Variants in SPTBN5 observed in about 807,000 individuals in gnomAD.
The protein encoded by SPTBN5 is spectrin beta chain, non-erythrocytic 5.
SPTBN5 carries 513 observed loss-of-function variants against 477.6 expected under a neutral mutation model. That is an observed-to-expected ratio of 1.07 (90% CI 1.00 to 1.16). SPTBN5 has a LOEUF of 1.16. Among genes scored for constraint, SPTBN5 ranks in the 50% most tolerant of loss-of-function variants. The pLI, the probability that SPTBN5 is intolerant of heterozygous loss-of-function variation, is 0.00. For synonymous variants in SPTBN5, 2,169 were observed against 2,011.7 expected, an observed-to-expected ratio of 1.08 and a Z score of -2.09; for missense variants, 5,062 against 4,731.8, an observed-to-expected ratio of 1.07 and a Z score of -2.05.
intron 29 of SPTBN5, 144 bp from the exon 30 acceptor site, chr15:41,870,704 C>A: frequency 1.5e-6 from 1 of 654,230 alleles, no homozygotes. Flanking sequence ...CCTCTCCCGC[C>A]TGTGGCCCTG....
Position 41,876,791 on chromosome 15 carries a change from G to C in SPTBN5, c.3851+18C>G. ...GAAAGGGTCATCTGCAGGTGCTGCAGACTGAGGCCAGGCTCACGTGTGTGC... is the reference window on the plus strand; with the variant it reads ...GAAAGGGTCATCTGCAGGTGCTGCACACTGAGGCCAGGCTCACGTGTGTGC... On this transcript the variant is annotated intron_variant, in intron 19 of 67. Coordinates refer to ENST00000320955, the MANE Select transcript of SPTBN5 (RefSeq NM_016642.4). The C allele has an allele frequency of 6.2e-7, 1 of 1,609,666 alleles. No homozygotes were observed. The highest frequency in any genetic ancestry group is 8.5e-7 in the Non-Finnish European group (1 of 1,179,716).
Position 41,875,018 on chromosome 15 carries a change from T to C in SPTBN5, c.4326A>G (p.Leu1442=), listed in dbSNP as rs369512749. The C allele has an allele frequency of 6.2e-7, 1 of 1,613,520 alleles. No homozygotes were observed. The highest frequency in any genetic ancestry group is 2.2e-5 in the East Asian group (1 of 44,878). Residue 1442 remains leucine (L), a synonymous_variant, in exon 23 of 68, where the codon CTA becomes CTG. Transcript: ENST00000320955. ...GGTCCTGCCCTGTTTCCGAGCTCTG[T>C]AGGGCCCCTTCGAGCTGCTCCAGCT... is the stretch of plus-strand genomic sequence containing the variant. The part of the protein sequence containing the change: ...KEQLEQLEGA[L]QSSETGQDLR...
intron 47 of SPTBN5, among the ~76,000 whole-genome samples, 193 bp downstream of exon 47, chr15:41,860,393 G>T (rs1045395640): frequency 2.6e-5 from 4 of 152,250 alleles, no homozygotes; most frequent in Non-Finnish European, 5.9e-5. Context: ...TTTCCACGTG[G>T]TGTTTGATGT....
intron 65 of SPTBN5, 30 bp downstream of exon 65, chr15:41,851,029 T>C (rs2054151): frequency 0.33 from 522,742 of 1,599,282 alleles, 87,173 homozygotes; most frequent in East Asian, 0.51. Context: ...CTGCTGGGGG[T>C]GATGCCGGAG....
In SPTBN5 at chr15:41,869,883, G is replaced by C; in HGVS notation, c.5811C>G (p.Ala1937=). 1.3e-6 allele frequency: 2 copies of C among 1,552,450 alleles called. No individual in the cohort carries two copies. Among genetic ancestry groups the C allele is most frequent in the Non-Finnish European group, 1.7e-6 (2 of 1,157,044 alleles). ...VLQRRMEQRR[A]QLERARLLAR... The stretch of plus-strand genomic sequence containing the variant: ...CCAGGAGGCGTGCCCGCTCCAGCTG[G>C]GCCCTGCGCTGCTCCATGCGTCGCT... The change falls in exon 32 of 68, where the codon GCC becomes GCG. Residue 1937 remains alanine (A), a synonymous_variant. Transcript: ENST00000320955.
rs1157110204 is a variant in SPTBN5, at chr15:41,869,975, G to T, written c.5719C>A (p.Pro1907Thr). Residue 1907 changes from proline to threonine, a missense_variant, in exon 32 of 68, where the codon CCG (proline) becomes ACG (threonine). Coordinates refer to ENST00000320955, the MANE Select transcript of SPTBN5 (RefSeq NM_016642.4). ...ETAGRVQKLCPGPQAHAVQQR... is the reference protein window; with the variant it reads ...ETAGRVQKLCTGPQAHAVQQR... ...TGCACCGCATGGGCCTGAGGCCCCG[G>T]ACACAGCTTCTGCACCCTGCCTGCA... The T allele has an allele frequency of 6.5e-7, 1 of 1,535,594 alleles. No homozygotes were observed. Among genetic ancestry groups the T allele is most frequent in the Non-Finnish European group, 8.8e-7 (1 of 1,139,536 alleles).
intron 1 of SPTBN5, 148 bp from the exon 2 acceptor site, chr15:41,893,694 C>T: frequency 9.7e-7 from 1 of 1,034,354 alleles, no homozygotes; most frequent in South Asian, 1.7e-5. Context: ...TTCTGGTCCC[C>T]TGTGCTTGAA....
At chr15:41,861,333 A>G in intron 46 of SPTBN5, 86 bp downstream of exon 46, 1 of 1,201,894 alleles carries the variant, frequency 8.3e-7, no homozygotes, top group African/African-American at 1.5e-5. Context: ...TCCCTGGCCT[A>G]GGGAGCTCAG....
intron 15 of SPTBN5, 105 bp from the exon 16 acceptor site, chr15:41,879,604 C>T: frequency 6.4e-7 from 1 of 1,554,528 alleles, no homozygotes; most frequent in Non-Finnish European, 8.7e-7. Flanking sequence ...ACTGGCTGTC[C>T]CTTGCCCCTT....
rs776093080 is a variant in SPTBN5 at position 41,852,770 on chromosome 15, G to C, written c.10348-35C>G. 2.0e-4 allele frequency: 176 copies of C among 864,252 alleles called. 2 individuals are homozygous for C. In the African/African-American group the frequency reaches 4.4e-3, roughly 21 times the overall value. The allele number at this position is 864,252 out of a possible 1,614,324, so 53.5% of individuals were successfully genotyped here. ...AGCATGTTCAGGTGACGCCCAGCTTGGGGGGGGGGGCCCAGAGCCTGGTAG... is the reference window on the plus strand; with the variant it reads ...AGCATGTTCAGGTGACGCCCAGCTTCGGGGGGGGGGCCCAGAGCCTGGTAG... On this transcript the variant is annotated intron_variant, in intron 60 of 67. Transcript: ENST00000320955.
At position 41,881,023 on chromosome 15, in the gene SPTBN5, A is replaced by G. The variant is rs780091284; in HGVS notation, c.2658+11T>C. On this transcript the variant is annotated intron_variant, in intron 13 of 67. Coordinates refer to ENST00000320955, the MANE Select transcript of SPTBN5 (RefSeq NM_016642.4). ...TAAGGACTCGAGCATTTCTTGAAAA[A>G]GAAGTGTTACCTGTGCCAGGGCCCG... The G allele has an allele frequency of 6.4e-7, 1 of 1,556,916 alleles. No homozygotes were observed. Among genetic ancestry groups the G allele is most frequent in the Non-Finnish European group, 8.7e-7 (1 of 1,149,472 alleles).
At chr15:41,878,706 C>A in intron 16 of SPTBN5, 77 bp from the exon 17 acceptor site, 1 of 1,459,210 alleles carries the variant, frequency 6.9e-7, no homozygotes, top group Non-Finnish European at 9.2e-7. Flanking sequence ...TCTCTCCAAA[C>A]CTGCATCCCC....
Position 41,879,331 on chromosome 15 carries a change from G to A in SPTBN5, c.3111C>T (p.Ala1037=). The A allele has an allele frequency of 6.2e-7, 1 of 1,610,008 alleles. No homozygotes were observed. Among genetic ancestry groups the A allele is most frequent in the Non-Finnish European group, 8.5e-7 (1 of 1,179,674 alleles). The change falls in exon 16 of 68, where the codon GCC becomes GCT. Residue 1037 remains alanine (A), a synonymous_variant. Transcript: ENST00000320955. ...QPGSSEDTCH[A]LQLAQKKTLV... is the part of the protein sequence containing the mutation. The stretch of plus-strand genomic sequence containing the variant: ...GGGTCTTCTTCTGGGCCAGCTGCAG[G>A]GCGTGGCAGGTGTCCTCTGAGCTCC...
chr15:41,850,851 C>A lies in SPTBN5; in HGVS notation c.10921+3G>T. On this transcript the variant is annotated splice_donor_region_variant and intron_variant, in intron 66 of 67. Transcript: ENST00000320955. ...CTCCCCGCATCCTTCCCCTGAAGCCCACCTGCAGTGCTGCCCAGGGCTCGC... is the reference window on the plus strand; with the variant it reads ...CTCCCCGCATCCTTCCCCTGAAGCCAACCTGCAGTGCTGCCCAGGGCTCGC... 1.3e-6 allele frequency: 2 copies of A among 1,592,108 alleles called. No homozygotes were observed. Among genetic ancestry groups the A allele is most frequent in the East Asian group, 2.3e-5 (1 of 43,584 alleles).
At chr15:41,862,063 T>C in intron 44 of SPTBN5, 67 bp downstream of exon 44, 1 of 1,391,144 alleles carries the variant, frequency 7.2e-7, no homozygotes, top group African/African-American at 1.5e-5. Context: ...AGCAAGGAGA[T>C]GAGAGGAAGG....
chr15:41,867,406 C>T, intron 35 of SPTBN5, 132 bp downstream of exon 35: 1 of 939,556 alleles, frequency 1.1e-6, no homozygotes, highest in Non-Finnish European at 1.7e-6. Context: ...TCAGTCAACC[C>T]CAACCAGGAC....
At position 41,861,851 on chromosome 15, in the gene SPTBN5, G is replaced by C. The variant is rs770183840; in HGVS notation, c.7621C>G (p.His2541Asp). Residue 2541 changes from histidine to aspartate, a missense_variant, in exon 45 of 68, where the codon CAC becomes GAC. Physicochemically the swap from His to Asp is moderately conservative, Grantham distance 81. Coordinates refer to ENST00000320955, the MANE Select transcript of SPTBN5 (RefSeq NM_016642.4). ...STGQQLLTAG[H>D]PFSSDIRQVL... ...TGGCGAATGTCGGAGCTGAAGGGGT[G>C]CCCCGCTGTGAGCAGTTGCTGCCCA... 3 of 1,607,650 alleles carry C rather than the reference G, an allele frequency of 1.9e-6. No individual in the cohort carries two copies. The African/African-American group carries it at 4.0e-5, about 21-fold the overall frequency.
In SPTBN5 at chr15:41,876,653, GGGC is replaced by G; in HGVS notation, c.3852-9_3852-7del. The G allele has an allele frequency of 6.7e-7, 1 of 1,503,004 alleles. No individual in the cohort carries two copies. The highest frequency in any genetic ancestry group is 9.1e-7 in the Non-Finnish European group (1 of 1,099,770). The allele number at this position is 1,503,004 out of a possible 1,614,324, so 93.1% of individuals were successfully genotyped here. On this transcript the variant is annotated splice_polypyrimidine_tract_variant and splice_region_variant and intron_variant, in intron 19 of 67. Transcript: ENST00000320955. ...TCTGCAGCTGCTCTCTGACCCTGGA[GGGC>G]GGGGGGGGGTTGGAGGAGGGCATGG...
intron 55 of SPTBN5, 107 bp downstream of exon 55, chr15:41,855,117 C>T (rs1214072761): frequency 9.7e-6 from 14 of 1,442,712 alleles, no homozygotes; most frequent in Non-Finnish European, 1.3e-5. Context: ...CCTAGGACAC[C>T]CTCTCCAGGC....
Sources: gnomAD v4.1 joint callset for allele counts (sites outside exome capture counted in the v4.1 genomes callset) on GRCh38, gnomAD v4.1.1 for gene constraint, MANE v1.5 for transcripts, NCBI Gene and HGNC (gene_info 2026-07-23, HGNC 2026-07-21) for gene names.